Variants in SGCD observed in about 807,000 individuals in gnomAD.
The protein encoded by SGCD is delta-sarcoglycan.
Under a neutral mutation model 36.6 loss-of-function variants are expected in SGCD, and 18 were observed. That is an observed-to-expected ratio of 0.49 (90% confidence interval 0.34 to 0.73). SGCD has a LOEUF of 0.73. Ranked by LOEUF, SGCD falls within the 30% of genes least tolerant of loss-of-function variation. SGCD has a pLI of 0.01. For synonymous variants in SGCD, 133 were observed against 130.6 expected, an observed-to-expected ratio of 1.02 and a Z score of -0.12; for missense variants, 387 against 346.7, an observed-to-expected ratio of 1.12 and a Z score of -0.92.
At chr5:156,184,177 G>A (rs1166431780) in intron 3 of SGCD, among the ~76,000 whole-genome samples, 1 of 152,102 alleles carries the variant, frequency 6.6e-6, no homozygotes, top group Non-Finnish European at 1.5e-5. Flanking sequence ...TATACTGAAA[G>A]TGAAAAACAT....
chr5:156,435,965 G>T (rs1349570320), intron 3 of SGCD, among the ~76,000 whole-genome samples: 1 of 152,122 alleles, frequency 6.6e-6, no homozygotes. Context: ...CACTCAGTTT[G>T]AATATTCTTT....
intron 3 of SGCD, among the ~76,000 whole-genome samples, chr5:156,312,224 G>A (rs1025645038): frequency 1.3e-5 from 2 of 152,160 alleles, no homozygotes; most frequent in Non-Finnish European, 2.9e-5. Flanking sequence ...TAGTCAGAAA[G>A]GAAATTTTTT....
intron 4 of SGCD, among the ~76,000 whole-genome samples, chr5:156,582,226 G>A (rs918699722): frequency 1.3e-4 from 20 of 152,208 alleles, no homozygotes; most frequent in Admixed American, 1.3e-3. Flanking sequence ...TGGAAACATA[G>A]AAGAGTGCAT....
intron 3 of SGCD, among the ~76,000 whole-genome samples, chr5:156,448,452 T>A (rs73295146): frequency 0.011 from 1,619 of 152,242 alleles, 32 homozygotes; most frequent in African/African-American, 0.037. Flanking sequence ...TTTAGTGTGA[T>A]CTCTGGTATA....
chr5:156,598,763 T>G (rs1761044261), intron 6 of SGCD, among the ~76,000 whole-genome samples: 1 of 152,188 alleles, frequency 6.6e-6, no homozygotes, highest in Non-Finnish European at 1.5e-5. Context: ...GGCTTAATCT[T>G]AACATCCAAA....
At chr5:155,921,926 G>A (rs1756888265) in intron 1 of SGCD, among the ~76,000 whole-genome samples, 1 of 152,190 alleles carries the variant, frequency 6.6e-6, no homozygotes, top group African/African-American at 2.4e-5. Flanking sequence ...TTACCAGGGT[G>A]CCTAATGCAC....
chr5:156,231,572 AG>A (rs891504088), intron 3 of SGCD, among the ~76,000 whole-genome samples: 1 of 152,150 alleles, frequency 6.6e-6, no homozygotes, highest in Admixed American at 6.5e-5. Context: ...ATAAATAAAA[AG>A]GTGAACAGAA....
chr5:156,388,171 T>C (rs899908000), intron 3 of SGCD, among the ~76,000 whole-genome samples: 1 of 152,084 alleles, frequency 6.6e-6, no homozygotes, highest in Admixed American at 6.5e-5. Context: ...CAACCTGTGA[T>C]TCTGAGTTAT....
intron 1 of SGCD, among the ~76,000 whole-genome samples, chr5:156,050,395 AT>A (rs968241285): frequency 6.8e-6 from 1 of 146,662 alleles, no homozygotes; most frequent in Non-Finnish European, 1.5e-5. Flanking sequence ...TAAAGGGTAC[AT>A]TTTTTATACC....
At chr5:156,252,379 A>G (rs1765604991) in intron 3 of SGCD, among the ~76,000 whole-genome samples, 1 of 152,092 alleles carries the variant, frequency 6.6e-6, no homozygotes, top group South Asian at 2.1e-4. Flanking sequence ...GCCTGGCGAT[A>G]TTAACATTTT....
At chr5:156,732,560 T>C (rs140916706) in intron 7 of SGCD, among the ~76,000 whole-genome samples, 183 of 152,204 alleles carry the variant, frequency 1.2e-3, no homozygotes, top group African/African-American at 4.1e-3. Flanking sequence ...TGAAGGTTTC[T>C]GTTTTTTTCT....
chr5:156,427,671 G>A (rs1464730503), intron 3 of SGCD, among the ~76,000 whole-genome samples: 2 of 152,068 alleles, frequency 1.3e-5, no homozygotes, highest in Non-Finnish European at 2.9e-5. Context: ...TTGGCTGTGG[G>A]TTTGTCATAG....
intron 1 of SGCD, among the ~76,000 whole-genome samples, chr5:155,995,139 A>T (rs1325366422): frequency 6.6e-6 from 1 of 152,116 alleles, no homozygotes; most frequent in Non-Finnish European, 1.5e-5. Context: ...TGTTACCTGA[A>T]AATCACCTGG....
chr5:156,733,145 T>G (rs966440568), intron 7 of SGCD, among the ~76,000 whole-genome samples: 2 of 152,172 alleles, frequency 1.3e-5, no homozygotes, highest in African/African-American at 4.8e-5. Context: ...CTTTTTGGTG[T>G]TGGATTGTTA....
intron 1 of SGCD, among the ~76,000 whole-genome samples, chr5:155,891,870 G>A (rs2113318154): frequency 6.6e-6 from 1 of 152,214 alleles, no homozygotes; most frequent in South Asian, 2.1e-4. Context: ...CTGTGAAAAT[G>A]TGGCAGCAGC....
intron 3 of SGCD, among the ~76,000 whole-genome samples, chr5:156,278,219 G>A (rs189400422): frequency 6.6e-6 from 1 of 152,252 alleles, no homozygotes; most frequent in East Asian, 1.9e-4. Flanking sequence ...CATGATTGTA[G>A]GTAGGCTGTG....
intron 6 of SGCD, among the ~76,000 whole-genome samples, chr5:156,610,595 G>A (rs280455): frequency 0.32 from 48,215 of 152,112 alleles, 8,534 homozygotes; most frequent in African/African-American, 0.48. Context: ...TTAAGTTTGC[G>A]GAGGTTTCTG....
At chr5:155,913,700 C>T (rs1339550938) in intron 1 of SGCD, among the ~76,000 whole-genome samples, 2 of 152,044 alleles carry the variant, frequency 1.3e-5, no homozygotes, top group Non-Finnish European at 1.5e-5. Flanking sequence ...CAAAACTTGT[C>T]CTCATTATAT....
chr5:156,120,076 G>A (rs571137136), intron 2 of SGCD, among the ~76,000 whole-genome samples: 11 of 152,180 alleles, frequency 7.2e-5, no homozygotes, highest in African/African-American at 2.6e-4. Flanking sequence ...CCATATAATA[G>A]CATTAATCCC....
Sources: allele counts gnomAD v4.1 joint callset (sites outside exome capture counted in the v4.1 genomes callset), GRCh38; gene constraint gnomAD v4.1.1; transcripts MANE v1.5; gene names NCBI Gene and HGNC (gene_info 2026-07-23, HGNC 2026-07-21).